The following TMX1 variants were observed in gnomAD, a reference collection of about 807,000 sequenced individuals.
TMX1 encodes the protein thioredoxin-related transmembrane protein 1.
Under a neutral mutation model 36.6 loss-of-function variants are expected in TMX1, and 25 were observed. The observed-to-expected ratio is 0.68, with a 90% CI of 0.50 to 0.95. The LOEUF is 0.95. Among genes scored for constraint, TMX1 ranks in the 40% least tolerant of loss-of-function variants. The pLI, the probability that TMX1 is intolerant of heterozygous loss-of-function variation, is 0.00. For missense variants in TMX1, 347 were observed against 339.6 expected (o/e 1.02, Z -0.17); for synonymous variants, 133 against 118.0 (o/e 1.13, Z -0.82).
chr14:51,249,608 T>A, intron 6 of TMX1, 39 bp downstream of exon 6: 1 of 1,599,180 alleles, frequency 6.3e-7, no homozygotes, highest in South Asian at 1.1e-5. Flanking sequence ...AAGAAAGATA[T>A]TTAAAAATGT....
intron 4 of TMX1, among the ~76,000 whole-genome samples, chr14:51,248,417 C>A (rs1432502785): frequency 1.3e-5 from 2 of 152,206 alleles, no homozygotes; most frequent in African/African-American, 4.8e-5. Flanking sequence ...AACACTCACC[C>A]ATTGAACTAC....
At chr14:51,246,989 T>C in intron 3 of TMX1, 103 bp from the exon 4 acceptor site, 1 of 1,066,604 alleles carries the variant, frequency 9.4e-7, no homozygotes, top group Non-Finnish European at 1.3e-6. Flanking sequence ...TTGCTAATGC[T>C]TTTGAATGTT....
chr14:51,244,024 T>C, intron 2 of TMX1, 53 bp downstream of exon 2: 1 of 1,419,806 alleles, frequency 7.0e-7, no homozygotes, highest in Non-Finnish European at 9.6e-7. Context: ...GTTGATATAT[T>C]TATCCTTTTT....
At position 51,254,475 on chromosome 14, in the gene TMX1, A is replaced by G; in HGVS notation, c.799A>G (p.Arg267Gly). Reference sequence around the variant, plus strand: ...CAAAGACTTTCCACAGAATGCCATAAGACAACGCTCTCTGGGTCCATCATT... The same window carrying G: ...CAAAGACTTTCCACAGAATGCCATAGGACAACGCTCTCTGGGTCCATCATT... Reference protein sequence around the residue: ...TNKDFPQNAIRQRSLGPSLAT... With the variant: ...TNKDFPQNAIGQRSLGPSLAT... The change falls in exon 8 of 8, where the codon AGA becomes GGA. Residue 267 changes from arginine (R) to glycine (G), a missense_variant. By Grantham distance (125) the Arg-to-Gly change is moderately radical. Coordinates refer to ENST00000457354, the MANE Select transcript of TMX1 (RefSeq NM_030755.5). The G allele has an allele frequency of 6.2e-7, 1 of 1,610,146 alleles. No homozygotes were observed. The highest frequency in any genetic ancestry group is 8.5e-7 in the Non-Finnish European group (1 of 1,178,840).
rs1171158427 is a variant in TMX1 at position 51,254,334 on chromosome 14, C to T, written c.665-7C>T. 2.5e-6 allele frequency: 4 copies of T among 1,577,688 alleles called. No homozygotes were observed. The highest frequency in any genetic ancestry group is 4.0e-5 in the Admixed American group (2 of 49,410). On this transcript the variant is annotated splice_region_variant and splice_polypyrimidine_tract_variant and intron_variant, in intron 7 of 7. Coordinates refer to ENST00000457354, the MANE Select transcript of TMX1 (RefSeq NM_030755.5). ...ACAAAAATACATTTTTGGTCTTTGT[C>T]TTTAAGAAAAATTATTATCAGAATC...
chr14:51,240,709 C>T (rs560485612), intron 1 of TMX1, among the ~76,000 whole-genome samples: 1 of 152,322 alleles, frequency 6.6e-6, no homozygotes, highest in South Asian at 2.1e-4. Context: ...AGGGTTAGTG[C>T]CAATGCGAAT....
intron 7 of TMX1, among the ~76,000 whole-genome samples, chr14:51,250,840 A>G (rs1158004785): frequency 6.6e-6 from 1 of 152,218 alleles, no homozygotes; most frequent in African/African-American, 2.4e-5. Flanking sequence ...TCCGAAATGA[A>G]GTCTATGGAG....
At chr14:51,242,570 A>G (rs1189363179) in intron 1 of TMX1, among the ~76,000 whole-genome samples, 1 of 152,136 alleles carries the variant, frequency 6.6e-6, no homozygotes, top group East Asian at 1.9e-4. Context: ...AAGTTTTTAG[A>G]AAGCAACTGA....
At chr14:51,247,265 G>A (rs1372627355) in intron 4 of TMX1, 45 bp downstream of exon 4, 1 of 1,570,070 alleles carries the variant, frequency 6.4e-7, no homozygotes, top group Non-Finnish European at 8.6e-7. Flanking sequence ...TAATTAATTG[G>A]AACAGATAAT....
At chr14:51,245,221 C>G (rs1440445040) in intron 2 of TMX1, 92 bp from the exon 3 acceptor site, 52 of 1,391,332 alleles carry the variant, frequency 3.7e-5, no homozygotes. Context: ...CATATTCTTT[C>G]CTATTAGTAT....
At chr14:51,253,055 T>A (rs2065822159) in intron 7 of TMX1, among the ~76,000 whole-genome samples, 1 of 152,052 alleles carries the variant, frequency 6.6e-6, no homozygotes, top group Admixed American at 6.6e-5. Context: ...AGGAAATTCA[T>A]TTTTTTTCTA....
intron 7 of TMX1, among the ~76,000 whole-genome samples, chr14:51,253,116 T>G (rs2065822507): frequency 6.6e-6 from 1 of 152,072 alleles, no homozygotes. Flanking sequence ...TGTGTAAAGG[T>G]CTCATTTTTT....
At chr14:51,249,824 T>A (rs910167790) in intron 7 of TMX1, 59 bp downstream of exon 7, 4 of 1,311,198 alleles carry the variant, frequency 3.1e-6, no homozygotes, top group Admixed American at 4.5e-5. Context: ...ATTTCTGTAA[T>A]CACAATCACA....
At chr14:51,242,188 A>T (rs2065765069) in intron 1 of TMX1, among the ~76,000 whole-genome samples, 1 of 152,196 alleles carries the variant, frequency 6.6e-6, no homozygotes, top group Non-Finnish European at 1.5e-5. Context: ...CATAGTATGC[A>T]TGTAGTCTGC....
chr14:51,247,253 C>T (rs2065789943), intron 4 of TMX1, 33 bp downstream of exon 4: 1 of 1,574,280 alleles, frequency 6.4e-7, no homozygotes. Context: ...TTACCCATTT[C>T]ATAATTAATT....
At chr14:51,247,524 T>A (rs1434718837) in intron 4 of TMX1, among the ~76,000 whole-genome samples, 1 of 151,878 alleles carries the variant, frequency 6.6e-6, no homozygotes, top group South Asian at 2.1e-4. Context: ...ACGTGGCTAA[T>A]TTTTTTGTAT....
Position 51,249,693 on chromosome 14 carries a change from T to C in TMX1, c.592T>C (p.Cys198Arg), listed in dbSNP as rs2065802816. 3 of 1,613,560 alleles carry C rather than the reference T, an allele frequency of 1.9e-6. No individual in the cohort carries two copies. The highest frequency in any genetic ancestry group is 2.2e-5 in the East Asian group (1 of 44,846). ...TTTCTTACAATGTTTATTTTTACAGTGTATGATATTTGTGGCAGATTGCCT... is the reference window on the plus strand; with the variant it reads ...TTTCTTACAATGTTTATTTTTACAGCGTATGATATTTGTGGCAGATTGCCT... ...TLFSGLLLGL[C>R]MIFVADCLCP... Residue 198 changes from cysteine to arginine, a missense_variant and splice_region_variant, in exon 7 of 8, where the codon TGT becomes CGT. Transcript: ENST00000457354.
At chr14:51,247,608 C>A (rs534339423) in intron 4 of TMX1, among the ~76,000 whole-genome samples, 13 of 152,146 alleles carry the variant, frequency 8.5e-5, no homozygotes, top group Non-Finnish European at 1.5e-5. Flanking sequence ...TTGCCCACCT[C>A]GGCCTCCCAG....
intron 1 of TMX1, among the ~76,000 whole-genome samples, chr14:51,243,325 A>G (rs1362805887): frequency 6.6e-6 from 1 of 152,184 alleles, no homozygotes; most frequent in African/African-American, 2.4e-5. Flanking sequence ...ATTCTCATAT[A>G]AAAATGCAGC....
Sources: gnomAD v4.1 joint callset for allele counts (sites outside exome capture counted in the v4.1 genomes callset) on GRCh38, gnomAD v4.1.1 for gene constraint, MANE v1.5 for transcripts, NCBI Gene and HGNC (gene_info 2026-07-23, HGNC 2026-07-21) for gene names.